DNALI1: variants seen among roughly 807,000 people sequenced by gnomAD.
The protein encoded by DNALI1 is dynein axonemal light intermediate chain 1.
A neutral mutation model predicts 33.9 loss-of-function variants in DNALI1; 31 were observed. The ratio of observed to expected loss-of-function variants is 0.91; its 90% CI spans 0.69 to 1.23. The LOEUF (loss-of-function observed/expected upper bound fraction) is 1.23. Among genes scored for constraint, DNALI1 ranks in the 50% most tolerant of loss-of-function variants. The pLI is 0.00. For synonymous variants in DNALI1, 117 were observed against 129.2 expected (o/e 0.91, Z 0.64); for missense variants, 305 against 323.8 (o/e 0.94, Z 0.44).
At chr1:37,558,016 C>G in intron 2 of DNALI1, 1 of 417,588 alleles carries the variant, frequency 2.4e-6, no homozygotes, top group South Asian at 3.3e-5. Flanking sequence ...TATTTCCAGC[C>G]CTGTCTTCTC....
Position 37,562,246 on chromosome 1 carries a change from G to C in DNALI1, c.741+1G>C, listed in dbSNP as rs758626747. ...GAAGCGAACAAATCAGCAGCTGAAG[G>C]TAATCAACGCGCAGGGTGGGGTGGA... On this transcript the variant is annotated splice_donor_variant, in intron 5 of 5. Transcript: ENST00000652629. LOFTEE classifies it high-confidence loss of function. This position sits in a 1 kb window ranked among gnomAD's most constrained non-coding sequence, Gnocchi z 5.8. The C allele has an allele frequency of 6.2e-7, 1 of 1,611,568 alleles. No individual in the cohort carries two copies.
chr1:37,557,115 T>C, intron 1 of DNALI1, 40 bp downstream of exon 1: 1 of 1,613,330 alleles, frequency 6.2e-7, no homozygotes, highest in Non-Finnish European at 8.5e-7. Flanking sequence ...GCCTCGAAAC[T>C]CCGATAGGGA....
At position 37,562,112 on chromosome 1, in the gene DNALI1, T is replaced by A; in HGVS notation, c.608T>A (p.Leu203Gln). 1.2e-6 allele frequency: 2 copies of A among 1,613,990 alleles called. No individual in the cohort carries two copies. The highest frequency in any genetic ancestry group is 1.7e-6 in the Non-Finnish European group (2 of 1,179,992). The change falls in exon 5 of 6, where the codon CTG (leucine) becomes CAG (glutamine). Residue 203 changes from leucine (L) to glutamine (Q), a missense_variant. Leu to Gln is a moderately radical substitution (Grantham distance 113, BLOSUM62 -2). Coordinates refer to ENST00000652629, the MANE Select transcript of DNALI1 (RefSeq NM_003462.5). This position sits in a 1 kb window ranked among gnomAD's most constrained non-coding sequence, Gnocchi z 5.8. ...IAELETEKRD[L>Q]ERQVNEQKAK... Reference sequence around the variant, plus strand: ...GAATTGGAGACGGAAAAGAGAGACCTGGAGAGGCAAGTGAACGAGCAGAAG... The same window carrying A: ...GAATTGGAGACGGAAAAGAGAGACCAGGAGAGGCAAGTGAACGAGCAGAAG...
rs77004088 is a variant in DNALI1, at chr1:37,564,827, C to T, written c.742-199C>T. On this transcript the variant is annotated intron_variant, in intron 5 of 5. Transcript: ENST00000652629. ...TGTGTTGAAACCAGGACAGCTCTGG[C>T]TTCTCCTCATATACTAAAGACTGTA... Among the ~76,000 whole-genome samples, 667 of 152,292 alleles carry T rather than the reference C, an allele frequency of 4.4e-3. 4 individuals are homozygous for T. The highest frequency in any genetic ancestry group is 0.015 in the African/African-American group (638 of 41,556).
At position 37,561,518 on chromosome 1, in the gene DNALI1, C is replaced by A. The variant is rs1219919560; in HGVS notation, c.398-39C>A. On this transcript the variant is annotated intron_variant, in intron 3 of 5. Transcript: ENST00000652629. The surrounding 1 kb of genome is among the most constrained non-coding windows in gnomAD (Gnocchi z 4.6). ...GTAGACATACTGCAAGCCCCCTCCC[C>A]ACGCCCTGTCTGATCTCATGGTGTG... The A allele has an allele frequency of 1.2e-6, 2 of 1,601,916 alleles. No homozygotes were observed. The highest frequency in any genetic ancestry group is 1.7e-5 in the Admixed American group (1 of 59,448).
At position 37,562,928 on chromosome 1, in the gene DNALI1, T is replaced by C. The variant is rs1277007237; in HGVS notation, c.741+683T>C. 6.6e-6 allele frequency among the ~76,000 whole-genome samples: 1 copy of C among 152,224 alleles called. No individual in the cohort carries two copies. Among genetic ancestry groups the C allele is most frequent in the Non-Finnish European group, 1.5e-5 (1 of 68,038 alleles). On this transcript the variant is annotated intron_variant, in intron 5 of 5. Transcript: ENST00000652629. This position sits in a 1 kb window ranked among gnomAD's most constrained non-coding sequence, Gnocchi z 5.8. The stretch of plus-strand genomic sequence containing the variant: ...GCCCTAGATCAACATCGTCCTCACC[T>C]GGCAAAGCAAGACAAATTATTGGGC...
In DNALI1 at chr1:37,559,517, G is replaced by A; in HGVS notation, c.397+21G>A. ...TTTTGGTGAGTGAGCCAGGTGAGGG[G>A]TGGGCACTACACACCCTACTGCTCC... On this transcript the variant is annotated intron_variant, in intron 3 of 5. Coordinates refer to ENST00000652629, the MANE Select transcript of DNALI1 (RefSeq NM_003462.5). The surrounding 1 kb of genome is among the most constrained non-coding windows in gnomAD (Gnocchi z 5.3). 1 of 1,587,656 alleles carries A rather than the reference G, an allele frequency of 6.3e-7. No individual in the cohort carries two copies. The highest frequency in any genetic ancestry group is 8.6e-7 in the Non-Finnish European group (1 of 1,165,710).
rs1341864771 is a variant in DNALI1, at chr1:37,562,953, C to T, written c.741+708C>T. Among the ~76,000 whole-genome samples the T allele has an allele frequency of 6.6e-6, 1 of 152,152 alleles. No homozygotes were observed. The highest frequency in any genetic ancestry group is 1.5e-5 in the Non-Finnish European group (1 of 68,028). On this transcript the variant is annotated intron_variant, in intron 5 of 5. Transcript: ENST00000652629. The surrounding 1 kb of genome is among the most constrained non-coding windows in gnomAD (Gnocchi z 5.8). Reference sequence around the variant, plus strand: ...TGGCAAAGCAAGACAAATTATTGGGCCCACCCCAGATCTACCAAATCAGAA... The same window carrying T: ...TGGCAAAGCAAGACAAATTATTGGGTCCACCCCAGATCTACCAAATCAGAA...
rs1279053836 is a variant in DNALI1, at chr1:37,566,579, G to C, written c.*1518G>C. Reference sequence around the variant, plus strand: ...GAAATACCACCCTTTCCATTTTATAGACCTCATCCCCTATTTCTGTCAGAC... The same window carrying C: ...GAAATACCACCCTTTCCATTTTATACACCTCATCCCCTATTTCTGTCAGAC... On this transcript the variant is annotated 3_prime_UTR_variant, in exon 6 of 6. Coordinates refer to ENST00000652629, the MANE Select transcript of DNALI1 (RefSeq NM_003462.5). 7.9e-6 allele frequency: 3 copies of C among 377,628 alleles called. No homozygotes were observed. The highest frequency in any genetic ancestry group is 8.5e-5 in the Admixed American group (2 of 23,420). The allele number at this position is 377,628 out of a possible 1,614,324, so 23.4% of individuals were successfully genotyped here.
intron 5 of DNALI1, among the ~76,000 whole-genome samples, chr1:37,563,217 T>C (rs1287945569): frequency 1.3e-5 from 2 of 152,350 alleles, no homozygotes; most frequent in African/African-American, 2.4e-5. Flanking sequence ...GACTGGCCAT[T>C]TGCGATAAAG....
Position 37,559,371 on chromosome 1 carries a change from G to A in DNALI1, c.272G>A (p.Ser91Asn). 1 of 1,611,820 alleles carries A rather than the reference G, an allele frequency of 6.2e-7. No individual in the cohort carries two copies. The change falls in exon 3 of 6, where the codon AGC (serine) becomes AAC (asparagine). Residue 91 changes from serine (S) to asparagine (N), a missense_variant. Coordinates refer to ENST00000652629, the MANE Select transcript of DNALI1 (RefSeq NM_003462.5). This position sits in a 1 kb window ranked among gnomAD's most constrained non-coding sequence, Gnocchi z 5.3. ...CAGCTATGGATCCAGCAGGTGTCCA[G>A]CACCCCTAGCACCAGGATGGACGTG... ...DTQLWIQQVS[S>N]TPSTRMDVVH... is the part of the protein sequence containing the mutation.
rs1643415601 is a variant in DNALI1 at position 37,559,810 on chromosome 1, G to T, written c.397+314G>T. ...GGGGACCGGCACTCAGCATACGGAG[G>T]ACCCGCACCGGCACTGGTCTCTGAG... is the stretch of plus-strand genomic sequence containing the variant. On this transcript the variant is annotated intron_variant, in intron 3 of 5. Transcript: ENST00000652629. This position sits in a 1 kb window ranked among gnomAD's most constrained non-coding sequence, Gnocchi z 5.3. Among the ~76,000 whole-genome samples the T allele has an allele frequency of 6.6e-6, 1 of 152,176 alleles. No individual in the cohort carries two copies. Among genetic ancestry groups the T allele is most frequent in the Non-Finnish European group, 1.5e-5 (1 of 68,044 alleles).
In DNALI1 at chr1:37,561,620, G is replaced by T; in HGVS notation, c.461G>T (p.Arg154Leu). 6.2e-7 allele frequency: 1 copy of T among 1,613,802 alleles called. No homozygotes were observed. Among genetic ancestry groups the T allele is most frequent in the Non-Finnish European group, 8.5e-7 (1 of 1,179,890 alleles). Residue 154 changes from arginine to leucine, a missense_variant, in exon 4 of 6, where the codon CGG becomes CTG. Transcript: ENST00000652629. The surrounding 1 kb of genome is among the most constrained non-coding windows in gnomAD (Gnocchi z 4.6). ...AGGGGGCTGCTGCTGCTGCGAGTCC[G>T]GGACGAGATCCGCATGACCATCGCT... ...AERGLLLLRV[R>L]DEIRMTIAAY...
In DNALI1 at chr1:37,566,687, G is replaced by A. The variant is rs41267323; in HGVS notation, c.*1626G>A. On this transcript the variant is annotated 3_prime_UTR_variant, in exon 6 of 6. Transcript: ENST00000652629. ...GCTAGACTTTCAGACTCTTATCACT[G>A]AAATCCTTAAGGTTGAGGAGGCTTT... 0.01 allele frequency: 6,467 copies of A among 631,162 alleles called. 88 individuals carry two copies. Among genetic ancestry groups the A allele is most frequent in the Middle Eastern group, 0.019 (45 of 2,310 alleles). 39.1% of individuals were successfully genotyped at this position (631,162 alleles called of 1,614,324 possible). A position where few individuals can be genotyped will look rare whatever the true frequency, so the allele number is the denominator to read the frequency against.
rs759038962 is a variant in DNALI1, at chr1:37,562,225, C to G, written c.721C>G (p.Arg241Gly). 1 of 1,613,236 alleles carries G rather than the reference C, an allele frequency of 6.2e-7. No individual in the cohort carries two copies. The highest frequency in any genetic ancestry group is 2.2e-5 in the East Asian group (1 of 44,840). Residue 241 changes from arginine to glycine, a missense_variant, in exon 5 of 6, where the codon CGA becomes GGA. Physicochemically the swap from Arg to Gly is moderately radical, Grantham distance 125. Transcript: ENST00000652629. The surrounding 1 kb of genome is among the most constrained non-coding windows in gnomAD (Gnocchi z 5.8). ...CAATGAGGAGATTCAGTTCCTGAAG[C>G]GAACAAATCAGCAGCTGAAGGTAAT... ...KHNEEIQFLK[R>G]TNQQLKAQLE...
chr1:37,557,907 G>A lies in DNALI1; in HGVS notation c.227+159G>A, dbSNP rs575697630. ...ACATATGGCTGGATCCTGGCAGGGTGGTGGGAGACCTCTTCTCAATCTACC... is the reference window on the plus strand; with the variant it reads ...ACATATGGCTGGATCCTGGCAGGGTAGTGGGAGACCTCTTCTCAATCTACC... On this transcript the variant is annotated intron_variant, in intron 2 of 5. Transcript: ENST00000652629. 8.0e-6 allele frequency: 8 copies of A among 997,920 alleles called. No homozygotes were observed. In the Admixed American group the frequency reaches 1.1e-4, roughly 14 times the overall value. The allele number at this position is 997,920 out of a possible 1,614,324, so 61.8% of individuals were successfully genotyped here. A position where few individuals can be genotyped will look rare whatever the true frequency, so the allele number is the denominator to read the frequency against.
rs1030276196 is a variant in DNALI1 at position 37,561,855 on chromosome 1, C to T, written c.576+120C>T. On this transcript the variant is annotated intron_variant, in intron 4 of 5. Coordinates refer to ENST00000652629, the MANE Select transcript of DNALI1 (RefSeq NM_003462.5). This position sits in a 1 kb window ranked among gnomAD's most constrained non-coding sequence, Gnocchi z 4.6. Reference sequence around the variant, plus strand: ...GGTGCTCTGCTGACAGTCACGACACCTGGACTTGCATCACCTCAGTGAGGG... The same window carrying T: ...GGTGCTCTGCTGACAGTCACGACACTTGGACTTGCATCACCTCAGTGAGGG... The T allele has an allele frequency of 7.0e-7, 1 of 1,420,856 alleles. No individual in the cohort carries two copies. The highest frequency in any genetic ancestry group is 1.4e-5 in the African/African-American group (1 of 70,260). The allele number at this position is 1,420,856 out of a possible 1,614,324, so 88.0% of individuals were successfully genotyped here.
Position 37,559,311 on chromosome 1 carries a change from G to A in DNALI1, c.228-16G>A, listed in dbSNP as rs1416106292. On this transcript the variant is annotated splice_polypyrimidine_tract_variant and intron_variant, in intron 2 of 5. Transcript: ENST00000652629. The surrounding 1 kb of genome is among the most constrained non-coding windows in gnomAD (Gnocchi z 5.3). ...AAGTCAACGGGTTTTGCTCAGCCTC[G>A]CTGTGTCTGCCACAGGGAGTGGGTG... 8.9e-6 allele frequency: 14 copies of A among 1,574,630 alleles called. No individual in the cohort carries two copies. The highest frequency in any genetic ancestry group is 3.5e-5 in the Admixed American group (2 of 56,700).
rs150068940 is a variant in DNALI1, at chr1:37,566,646, A to G, written c.*1585A>G. The G allele has an allele frequency of 2.0e-3, 1,117 of 552,282 alleles. 14 individuals are homozygous for G. Among genetic ancestry groups the G allele is most frequent in the African/African-American group, 0.02 (1,054 of 52,756 alleles). The allele number at this position is 552,282 out of a possible 1,614,324, so 34.2% of individuals were successfully genotyped here. ...GACTGTGGAACCTCTTAGTTCATCCAAAGTCTACCTGAAGTGCTAGACTTT... is the reference window on the plus strand; with the variant it reads ...GACTGTGGAACCTCTTAGTTCATCCGAAGTCTACCTGAAGTGCTAGACTTT... On this transcript the variant is annotated 3_prime_UTR_variant, in exon 6 of 6. Transcript: ENST00000652629.
Sources: gnomAD v4.1 joint callset for allele counts (sites outside exome capture counted in the v4.1 genomes callset) on GRCh38, gnomAD v4.1.1 for gene constraint, Gnocchi (gnomAD v3.1) non-coding constraint, MANE v1.5 for transcripts, NCBI Gene and HGNC (gene_info 2026-07-23, HGNC 2026-07-21) for gene names.